SNED1: variants seen among roughly 807,000 people sequenced by gnomAD.
SNED1 encodes sushi, nidogen and EGF like domains 1, also known as sushi, nidogen and EGF-like domain-containing protein 1.
SNED1 carries 81 observed loss-of-function variants against 166.7 expected under a neutral mutation model. The observed-to-expected ratio is 0.49, with a 90% CI of 0.41 to 0.58. The LOEUF is 0.58. SNED1 is among the 20% of genes least tolerant of loss of function. The pLI is 0.00. For missense variants in SNED1, 1,604 were observed against 2,000.2 expected (o/e 0.80, Z 3.78); for synonymous variants, 762 against 822.0 (o/e 0.93, Z 1.25).
chr2:241,083,935 T>G (rs1255936484), intron 29 of SNED1, among the ~76,000 whole-genome samples: 2 of 152,158 alleles, frequency 1.3e-5, no homozygotes, highest in Non-Finnish European at 2.9e-5. Flanking sequence ...ACCTGCTTTT[T>G]GTTCCTTTTT....
intron 24 of SNED1, 28 bp downstream of exon 24, chr2:241,070,229 C>T (rs908880030): frequency 1.1e-5 from 18 of 1,577,090 alleles, no homozygotes; most frequent in Admixed American, 7.0e-5. Context: ...TGCGCGTGGG[C>T]GGGGCCAGTG....
At position 241,055,182 on chromosome 2, in the gene SNED1, G is replaced by A. The variant is rs1036911719; in HGVS notation, c.2257+1856G>A. 3.9e-5 allele frequency among the ~76,000 whole-genome samples: 6 copies of A among 151,932 alleles called. No individual in the cohort carries two copies. The South Asian group carries it at 6.2e-4, about 16-fold the overall frequency. On this transcript the variant is annotated intron_variant, in intron 16 of 31. Transcript: ENST00000310397. ...AAGGTGTGCTAAAGCTGAGATAATC[G>A]GAGCCCAAGAAGAAGAGAAAATGAA...
At position 241,073,099 on chromosome 2, in the gene SNED1, G is replaced by A; in HGVS notation, c.3818-167G>A. The A allele has an allele frequency of 1.7e-6, 1 of 593,844 alleles. No individual in the cohort carries two copies. 36.8% of individuals were successfully genotyped at this position (593,844 alleles called of 1,614,324 possible). A position where few individuals can be genotyped will look rare whatever the true frequency, so the allele number is the denominator to read the frequency against. On this transcript the variant is annotated intron_variant, in intron 26 of 31. Transcript: ENST00000310397. The surrounding 1 kb of genome is among the most constrained non-coding windows in gnomAD (Gnocchi z 6.6). Reference sequence around the variant, plus strand: ...GCAGGAGGGTGAGGCCAGCCCTTCAGGGGAGGCAGCTCTGGGGCCGACAGG... The same window carrying A: ...GCAGGAGGGTGAGGCCAGCCCTTCAAGGGAGGCAGCTCTGGGGCCGACAGG...
At position 241,064,732 on chromosome 2, in the gene SNED1, C is replaced by T. The variant is rs964655528; in HGVS notation, c.2600-112C>T. 3.9e-5 allele frequency: 28 copies of T among 713,980 alleles called. No individual in the cohort carries two copies. Among genetic ancestry groups the T allele is most frequent in the Middle Eastern group, 2.5e-4 (1 of 4,016 alleles). 44.2% of individuals were successfully genotyped at this position (713,980 alleles called of 1,614,324 possible). A position where few individuals can be genotyped will look rare whatever the true frequency, so the allele number is the denominator to read the frequency against. ...GAGGCAGTAGCTGTCCTGTGCCCCC[C>T]GCCCCTCCACACCCACGCAGGAGGG... On this transcript the variant is annotated intron_variant, in intron 19 of 31. Transcript: ENST00000310397. This position sits in a 1 kb window ranked among gnomAD's most constrained non-coding sequence, Gnocchi z 7.0.
In SNED1 at chr2:241,069,311, T is replaced by G. The variant is rs1051029534; in HGVS notation, c.3307+288T>G. Among the ~76,000 whole-genome samples, 6 of 152,188 alleles carry G rather than the reference T, an allele frequency of 3.9e-5. No individual in the cohort carries two copies. Among genetic ancestry groups the G allele is most frequent in the African/African-American group, 1.4e-4 (6 of 41,456 alleles). ...CGACCAGAGGGCCAGAGGACCTCAC[T>G]GGGCCAGGGATACCCATGCTATCCA... On this transcript the variant is annotated intron_variant, in intron 23 of 31. Transcript: ENST00000310397. The surrounding 1 kb of genome is among the most constrained non-coding windows in gnomAD (Gnocchi z 4.9).
At chr2:241,086,635 T>A (rs2063592248) in intron 29 of SNED1, among the ~76,000 whole-genome samples, 1 of 152,224 alleles carries the variant, frequency 6.6e-6, no homozygotes, top group South Asian at 2.1e-4. Flanking sequence ...GGAGGTTAAT[T>A]CCAGATTCTG....
chr2:241,001,033 C>A (rs1388071042), intron 1 of SNED1, among the ~76,000 whole-genome samples: 1 of 152,210 alleles, frequency 6.6e-6, no homozygotes, highest in Non-Finnish European at 1.5e-5. Context: ...TGGGGCCTCC[C>A]ACGCCCACCC....
Position 240,998,807 on chromosome 2 carries a change from C to A in SNED1, c.-31C>A. On this transcript the variant is annotated 5_prime_UTR_variant, in exon 1 of 32. Transcript: ENST00000310397. ...CTAGTCCCCCAGCGCCCTGCTCCGC[C>A]AGCGCCCCGTCCCGCCCGCACACCT... is the stretch of plus-strand genomic sequence containing the variant. The A allele has an allele frequency of 8.8e-7, 1 of 1,130,566 alleles. No individual in the cohort carries two copies. The highest frequency in any genetic ancestry group is 1.1e-6 in the Non-Finnish European group (1 of 918,224). The allele number at this position is 1,130,566 out of a possible 1,614,324, so 70.0% of individuals were successfully genotyped here. A position where few individuals can be genotyped will look rare whatever the true frequency, so the allele number is the denominator to read the frequency against.
intron 5 of SNED1, 68 bp downstream of exon 5, chr2:241,036,983 C>T (rs977771077): frequency 2.0e-6 from 3 of 1,534,674 alleles, no homozygotes; most frequent in Admixed American, 4.0e-5. Context: ...ACTGTAGGCT[C>T]CGCCAGTGGC....
intron 1 of SNED1, among the ~76,000 whole-genome samples, chr2:241,016,412 G>T (rs2060594020): frequency 6.6e-6 from 1 of 152,222 alleles, no homozygotes; most frequent in Admixed American, 6.5e-5. Context: ...TGTTAGCCAG[G>T]ATGGTCTCGA....
chr2:241,073,646 C>T lies in SNED1; in HGVS notation c.3916+282C>T, dbSNP rs2062859842. The T allele has an allele frequency of 1.4e-5, 7 of 509,436 alleles. No individual in the cohort carries two copies. The highest frequency in any genetic ancestry group is 2.1e-5 in the Non-Finnish European group (6 of 287,060). 31.6% of individuals were successfully genotyped at this position (509,436 alleles called of 1,614,324 possible). On this transcript the variant is annotated intron_variant, in intron 27 of 31. Transcript: ENST00000310397. This position sits in a 1 kb window ranked among gnomAD's most constrained non-coding sequence, Gnocchi z 6.6. ...TGGCTTTGATGCTGCCTCCCCTCCCCTCTCCTCCTTCGCCTCCACATGCAG... is the reference window on the plus strand; with the variant it reads ...TGGCTTTGATGCTGCCTCCCCTCCCTTCTCCTCCTTCGCCTCCACATGCAG...
At chr2:241,088,487 C>T (rs910814106) in intron 31 of SNED1, 85 bp downstream of exon 31, 6 of 1,099,228 alleles carry the variant, frequency 5.5e-6, no homozygotes, top group Admixed American at 1.7e-5. Flanking sequence ...CTCAGAGTGC[C>T]GCTGCCTGCT....
Position 241,049,055 on chromosome 2 carries a change from A to G in SNED1, c.1538A>G (p.Gln513Arg), listed in dbSNP as rs779268642. ...GCCATGCCCTGCAACATGAACACACAGTGCCCAGATGGGGGCTACTGCATG... is the reference window on the plus strand; with the variant it reads ...GCCATGCCCTGCAACATGAACACACGGTGCCCAGATGGGGGCTACTGCATG... The part of the protein sequence containing the change: ...ITAMPCNMNT[Q>R]CPDGGYCMEH... Residue 513 changes from glutamine (Q) to arginine (R), a missense_variant, in exon 11 of 32, where the codon CAG becomes CGG. This residue lies in a region of SNED1 where 1,237 missense variants were observed against 1,620.8 expected (regional missense o/e 0.76). Coordinates refer to ENST00000310397, the MANE Select transcript of SNED1 (RefSeq NM_001080437.3). 3.1e-6 allele frequency: 5 copies of G among 1,613,388 alleles called. No individual in the cohort carries two copies. In the Admixed American group the frequency reaches 8.3e-5, roughly 27 times the overall value.
In SNED1 at chr2:241,018,278, G is replaced by C. The variant is rs908925662; in HGVS notation, c.214-12006G>C. Among the ~76,000 whole-genome samples the C allele has an allele frequency of 2.6e-5, 4 of 152,206 alleles. No homozygotes were observed. Among genetic ancestry groups the C allele is most frequent in the African/African-American group, 9.6e-5 (4 of 41,458 alleles). ...GCTATGAATTCAAGTCAGCAAGATG[G>C]AAGCAAGGTTGTGCCCACACATGCA... On this transcript the variant is annotated intron_variant, in intron 1 of 31. Coordinates refer to ENST00000310397, the MANE Select transcript of SNED1 (RefSeq NM_001080437.3). This position sits in a 1 kb window ranked among gnomAD's most constrained non-coding sequence, Gnocchi z 5.4.
intron 1 of SNED1, among the ~76,000 whole-genome samples, chr2:241,000,435 C>G (rs1401458191): frequency 6.6e-6 from 1 of 152,186 alleles, no homozygotes; most frequent in Non-Finnish European, 1.5e-5. Flanking sequence ...GGACTGACTC[C>G]TGGAAGTACG....
chr2:241,082,158 C>A, intron 28 of SNED1, 119 bp from the exon 29 acceptor site: 1 of 760,598 alleles, frequency 1.3e-6, no homozygotes, highest in Non-Finnish European at 2.2e-6. Flanking sequence ...CCCACCATCC[C>A]GCCTTGGAGG....
At chr2:241,012,567 GT>G (rs1360203930) in intron 1 of SNED1, among the ~76,000 whole-genome samples, 1 of 152,164 alleles carries the variant, frequency 6.6e-6, no homozygotes, top group Non-Finnish European at 1.5e-5. Flanking sequence ...CAGGCTATTT[GT>G]TTTACAGTGG....
chr2:241,019,485 C>T (rs1204448689), intron 1 of SNED1, among the ~76,000 whole-genome samples: 1 of 152,128 alleles, frequency 6.6e-6, no homozygotes, highest in East Asian at 1.9e-4. Flanking sequence ...ACTGGTGGTC[C>T]TGGGGGCAGG....
At position 241,089,915 on chromosome 2, in the gene SNED1, G is replaced by A. The variant is rs112958558; in HGVS notation, c.*1+1513G>A. The A allele has an allele frequency of 1.4e-5, 22 of 1,532,262 alleles. No individual in the cohort carries two copies. The African/African-American group carries it at 1.7e-4, about 12-fold the overall frequency. 94.9% of individuals were successfully genotyped at this position (1,532,262 alleles called of 1,614,324 possible). A position where few individuals can be genotyped will look rare whatever the true frequency, so the allele number is the denominator to read the frequency against. On this transcript the variant is annotated intron_variant, in intron 31 of 31. Coordinates refer to ENST00000310397, the MANE Select transcript of SNED1 (RefSeq NM_001080437.3). Reference sequence around the variant, plus strand: ...AGGCGGTCGTAACACAGTGCCAAGTGTGTGTGTATCTAAACGTAGAAAACC... The same window carrying A: ...AGGCGGTCGTAACACAGTGCCAAGTATGTGTGTATCTAAACGTAGAAAACC...
Sources: allele counts gnomAD v4.1 joint callset (sites outside exome capture counted in the v4.1 genomes callset), GRCh38; gene constraint gnomAD v4.1.1; regional missense constraint gnomAD v4.1.1; non-coding constraint Gnocchi (gnomAD v3.1); transcripts MANE v1.5; gene names NCBI Gene and HGNC (gene_info 2026-07-23, HGNC 2026-07-21).